Variants in CDK14 observed in about 807,000 individuals in gnomAD.
The protein encoded by CDK14 is cyclin-dependent kinase 14.
Under a neutral mutation model 60.7 loss-of-function variants are expected in CDK14, and 34 were observed. That is an observed-to-expected ratio of 0.56 (90% CI 0.43 to 0.75). The LOEUF (loss-of-function observed/expected upper bound fraction) is 0.75. CDK14 is among the 30% of genes least tolerant of loss of function. The pLI is 0.00. For synonymous variants in CDK14, 197 were observed against 203.7 expected, an observed-to-expected ratio of 0.97 and a Z score of 0.28; for missense variants, 482 against 564.1, an observed-to-expected ratio of 0.85 and a Z score of 1.47.
At chr7:90,872,944 A>G (rs889791936) in intron 6 of CDK14, among the ~76,000 whole-genome samples, 3 of 152,172 alleles carry the variant, frequency 2.0e-5, no homozygotes, top group Non-Finnish European at 2.9e-5. Flanking sequence ...GAATTTCACC[A>G]CTTAAACTAT....
chr7:90,831,737 G>A (rs193134269), intron 5 of CDK14, among the ~76,000 whole-genome samples: 2 of 151,824 alleles, frequency 1.3e-5, no homozygotes, highest in East Asian at 3.9e-4. Flanking sequence ...CTTCCACATA[G>A]CAGTTAGCAG....
chr7:91,107,988 A>T (rs887606038), intron 12 of CDK14, among the ~76,000 whole-genome samples: 4 of 152,200 alleles, frequency 2.6e-5, no homozygotes, highest in African/African-American at 9.6e-5. Flanking sequence ...TTGGATTATG[A>T]TCAGCTTGTT....
At chr7:90,744,809 C>CG (rs1803523372) in intron 3 of CDK14, among the ~76,000 whole-genome samples, 1 of 119,228 alleles carries the variant, frequency 8.4e-6, no homozygotes, top group South Asian at 3.3e-4. Context: ...GCTGGCCGGG[C>CG]GGGGGGCTGA....
At chr7:90,702,450 T>C (rs1364778694) in intron 2 of CDK14, among the ~76,000 whole-genome samples, 1 of 151,914 alleles carries the variant, frequency 6.6e-6, no homozygotes, top group African/African-American at 2.4e-5. Context: ...GCCAAAAGCC[T>C]TTTTTTGGTT....
intron 2 of CDK14, among the ~76,000 whole-genome samples, chr7:90,711,234 G>C (rs1439412055): frequency 6.6e-6 from 1 of 152,028 alleles, no homozygotes; most frequent in South Asian, 2.1e-4. Flanking sequence ...GGTTCACTAT[G>C]AGTAAATTTC....
At chr7:90,882,387 C>T (rs912762233) in intron 6 of CDK14, among the ~76,000 whole-genome samples, 1 of 151,366 alleles carries the variant, frequency 6.6e-6, no homozygotes, top group Non-Finnish European at 1.5e-5. Context: ...TCAAAAAGAA[C>T]AGCTAACTAT....
At position 90,790,272 on chromosome 7, in the gene CDK14, G is replaced by C. The variant is rs573185304; in HGVS notation, c.465-301G>C. 4.6e-5 allele frequency among the ~76,000 whole-genome samples: 7 copies of C among 152,120 alleles called. No individual in the cohort carries two copies. In the East Asian group the frequency reaches 1.3e-3, roughly 29 times the overall value. ...TGATTGCATGATTTTTAATTAATCT[G>C]AGACTAATTATCAAGTGTGGTGATT... On this transcript the variant is annotated intron_variant, in intron 4 of 14. Coordinates refer to ENST00000380050, the MANE Select transcript of CDK14 (RefSeq NM_001287135.2).
chr7:90,936,911 T>G (rs1020943224), intron 8 of CDK14, among the ~76,000 whole-genome samples: 2 of 151,700 alleles, frequency 1.3e-5, no homozygotes, highest in Non-Finnish European at 2.9e-5. Flanking sequence ...ATACTCTATC[T>G]CTACAATTTT....
At chr7:91,110,061 T>C (rs1345783668) in intron 12 of CDK14, among the ~76,000 whole-genome samples, 1 of 152,082 alleles carries the variant, frequency 6.6e-6, no homozygotes, top group Non-Finnish European at 1.5e-5. Flanking sequence ...AATGTACACG[T>C]ATGACTTCAG....
intron 8 of CDK14, among the ~76,000 whole-genome samples, chr7:90,946,326 T>G (rs1023999405): frequency 1.3e-5 from 2 of 152,152 alleles, no homozygotes; most frequent in African/African-American, 4.8e-5. Context: ...CCAACTCCAA[T>G]TTCAAGACAA....
At chr7:91,176,299 C>T (rs1801752297) in intron 14 of CDK14, among the ~76,000 whole-genome samples, 2 of 152,202 alleles carry the variant, frequency 1.3e-5, no homozygotes, top group African/African-American at 4.8e-5. Flanking sequence ...CTCTGGGACG[C>T]ATTTAAAGTA....
Position 90,726,630 on chromosome 7 carries a change from G to C in CDK14, c.187G>C (p.Asp63His), listed in dbSNP as rs1802642051. 6.2e-7 allele frequency: 1 copy of C among 1,613,650 alleles called. No individual in the cohort carries two copies. Residue 63 changes from aspartate to histidine, a missense_variant, in exon 3 of 15, where the codon GAC (aspartate) becomes CAC (histidine). Transcript: ENST00000380050. ...QGMDSVIKPL[D>H]TIPEDKKVRV... Reference sequence around the variant, plus strand: ...AATGGACTCAGTGATCAAACCCCTGGACACAATTCCTGAGGATAAAAAAGT... The same window carrying C: ...AATGGACTCAGTGATCAAACCCCTGCACACAATTCCTGAGGATAAAAAAGT...
intron 11 of CDK14, among the ~76,000 whole-genome samples, chr7:91,078,763 CA>C (rs1360632669): frequency 2.6e-5 from 4 of 151,844 alleles, no homozygotes; most frequent in Non-Finnish European, 1.5e-5. Context: ...ATTTCATAAA[CA>C]AAAAAATATG....
At chr7:90,815,527 G>T (rs1018112652) in intron 5 of CDK14, among the ~76,000 whole-genome samples, 8 of 152,146 alleles carry the variant, frequency 5.3e-5, no homozygotes, top group Non-Finnish European at 7.3e-5. Flanking sequence ...CAAGGACCTA[G>T]AACCGGAAAT....
chr7:90,965,718 T>C (rs555359292), intron 9 of CDK14, among the ~76,000 whole-genome samples: 3 of 152,358 alleles, frequency 2.0e-5, no homozygotes, highest in African/African-American at 7.2e-5. Flanking sequence ...ATTCTTAGTA[T>C]TTTGAAAACG....
rs1417792220 is a variant in CDK14 at position 90,955,832 on chromosome 7, C to G, written c.947+15C>G. 5 of 1,611,922 alleles carry G rather than the reference C, an allele frequency of 3.1e-6. No individual in the cohort carries two copies. Among genetic ancestry groups the G allele is most frequent in the Non-Finnish European group, 4.2e-6 (5 of 1,178,646 alleles). On this transcript the variant is annotated intron_variant, in intron 9 of 14. Coordinates refer to ENST00000380050, the MANE Select transcript of CDK14 (RefSeq NM_001287135.2). ...CTTGACATGTGGTGAGAAATGGAAG[C>G]TTTACTCTAGCTAATCTATCTGTAG...
intron 2 of CDK14, among the ~76,000 whole-genome samples, chr7:90,654,782 G>A (rs992625133): frequency 1.4e-4 from 21 of 152,012 alleles, no homozygotes; most frequent in African/African-American, 2.9e-4. Context: ...AATATTTTGC[G>A]TGAATATGGT....
At chr7:90,605,152 A>G (rs1003079077) in intron 2 of CDK14, among the ~76,000 whole-genome samples, 14 of 152,208 alleles carry the variant, frequency 9.2e-5, no homozygotes, top group African/African-American at 3.4e-4. Context: ...GCAGTGCTTC[A>G]GTGAGGAAAG....
intron 7 of CDK14, among the ~76,000 whole-genome samples, chr7:90,908,390 C>G (rs1792781279): frequency 6.6e-6 from 1 of 152,148 alleles, no homozygotes; most frequent in Admixed American, 6.6e-5. Context: ...AAACAGTACA[C>G]TCTTTCCTAG....
Sources: allele counts gnomAD v4.1 joint callset (sites outside exome capture counted in the v4.1 genomes callset), GRCh38; gene constraint gnomAD v4.1.1; transcripts MANE v1.5; gene names NCBI Gene and HGNC (gene_info 2026-07-23, HGNC 2026-07-21).